FAM135B: variants seen among roughly 807,000 people sequenced by gnomAD.
The protein encoded by FAM135B is protein FAM135B.
FAM135B carries 43 observed loss-of-function variants against 127.7 expected under a neutral mutation model. The ratio of observed to expected loss-of-function variants is 0.34; its 90% CI spans 0.26 to 0.43. FAM135B has a LOEUF of 0.43. FAM135B is among the 20% of genes least tolerant of loss of function. The pLI, the probability that FAM135B is intolerant of heterozygous loss-of-function variation, is 1.00. For synonymous variants in FAM135B, 670 were observed against 665.1 expected (o/e 1.01, Z -0.11); for missense variants, 1,558 against 1,725.6 (o/e 0.90, Z 1.72).
chr8:138,360,481 C>T (rs1042268424), intron 2 of FAM135B, among the ~76,000 whole-genome samples: 1 of 152,190 alleles, frequency 6.6e-6, no homozygotes, highest in African/African-American at 2.4e-5. Context: ...CAGAAGAATG[C>T]ATAAATGGAG....
At chr8:138,231,212 G>A (rs1819884768) in intron 7 of FAM135B, among the ~76,000 whole-genome samples, 2 of 151,852 alleles carry the variant, frequency 1.3e-5, no homozygotes, top group South Asian at 4.2e-4. Flanking sequence ...GTAGATACAG[G>A]GTTTTGTCTT....
rs556299413 is a variant in FAM135B at position 138,178,924 on chromosome 8, T to C, written c.874-234A>G. 3.9e-5 allele frequency among the ~76,000 whole-genome samples: 6 copies of C among 152,324 alleles called. No homozygotes were observed. The South Asian group carries it at 1.2e-3, about 32-fold the overall frequency. The stretch of plus-strand genomic sequence containing the variant: ...AAATTATTGAGGTAGTTCCTATCTA[T>C]AGAAAAACATCCAAAGCCCTTAGTC... On this transcript the variant is annotated intron_variant, in intron 9 of 19. Coordinates refer to ENST00000395297, the MANE Select transcript of FAM135B (RefSeq NM_015912.4).
chr8:138,470,669 C>T (rs578212037), intron 1 of FAM135B, among the ~76,000 whole-genome samples: 122 of 152,160 alleles, frequency 8.0e-4, no homozygotes, highest in Non-Finnish European at 1.3e-3. Context: ...TATTATAATC[C>T]ACAAATCTAC....
chr8:138,379,679 C>G (rs896646978), intron 1 of FAM135B, among the ~76,000 whole-genome samples: 1 of 152,062 alleles, frequency 6.6e-6, no homozygotes, highest in African/African-American at 2.4e-5. Flanking sequence ...ATGTAGGTTC[C>G]CATCTTCTCT....
intron 3 of FAM135B, among the ~76,000 whole-genome samples, chr8:138,299,407 CAAT>C (rs1403886286): frequency 3.3e-5 from 5 of 152,146 alleles, no homozygotes; most frequent in African/African-American, 4.8e-5. Flanking sequence ...CTCCAAACAA[CAAT>C]GAGCCCAGCA....
chr8:138,362,755 A>C (rs1178033417), intron 2 of FAM135B, among the ~76,000 whole-genome samples: 1 of 152,226 alleles, frequency 6.6e-6, no homozygotes, highest in Non-Finnish European at 1.5e-5. Context: ...AATAACTTCA[A>C]GATTTACTGA....
intron 3 of FAM135B, among the ~76,000 whole-genome samples, chr8:138,271,466 C>T (rs185469179): frequency 6.6e-6 from 1 of 152,282 alleles, no homozygotes; most frequent in Non-Finnish European, 1.5e-5. Flanking sequence ...TTACTAATCA[C>T]CTGCTATGCA....
At chr8:138,479,270 C>T (rs35210685) in intron 1 of FAM135B, among the ~76,000 whole-genome samples, 24,015 of 152,058 alleles carry the variant, frequency 0.16, 4,913 homozygotes, top group African/African-American at 0.48. Flanking sequence ...ATAGATATGA[C>T]TGAATAAATC....
At chr8:138,257,887 A>AT (rs1440313172) in intron 4 of FAM135B, among the ~76,000 whole-genome samples, 1 of 143,964 alleles carries the variant, frequency 6.9e-6, no homozygotes, top group Non-Finnish European at 1.6e-5. Context: ...ATAAAAAATA[A>AT]AAAAAAAAAT....
intron 7 of FAM135B, among the ~76,000 whole-genome samples, chr8:138,229,155 A>C (rs562742993): frequency 3.9e-4 from 59 of 152,222 alleles, no homozygotes; most frequent in African/African-American, 1.4e-3. Flanking sequence ...AAGAGCAGTC[A>C]TTTAAGGAGT....
intron 3 of FAM135B, among the ~76,000 whole-genome samples, chr8:138,304,295 G>C (rs1032554392): frequency 2.0e-5 from 3 of 152,190 alleles, no homozygotes; most frequent in African/African-American, 4.8e-5. Flanking sequence ...TCCCAGGAAA[G>C]TTTAATTATT....
At chr8:138,203,009 A>G (rs966337794) in intron 7 of FAM135B, among the ~76,000 whole-genome samples, 5 of 152,248 alleles carry the variant, frequency 3.3e-5, no homozygotes, top group Non-Finnish European at 7.3e-5. Flanking sequence ...CCTAATGAGG[A>G]AAGTCAGGAT....
chr8:138,194,963 C>A (rs983284152), intron 9 of FAM135B, among the ~76,000 whole-genome samples: 1 of 152,200 alleles, frequency 6.6e-6, no homozygotes, highest in Non-Finnish European at 1.5e-5. Context: ...AACCAGTCAA[C>A]AAACGTTTGT....
At chr8:138,306,272 TA>T (rs1214584855) in intron 3 of FAM135B, among the ~76,000 whole-genome samples, 1 of 151,552 alleles carries the variant, frequency 6.6e-6, no homozygotes, top group Non-Finnish European at 1.5e-5. Flanking sequence ...CCATCTCTAC[TA>T]AAAATATGAA....
intron 2 of FAM135B, among the ~76,000 whole-genome samples, chr8:138,322,740 C>G (rs755823526): frequency 6.6e-5 from 10 of 152,282 alleles, no homozygotes; most frequent in Non-Finnish European, 1.2e-4. Flanking sequence ...TAGACCTCAC[C>G]TAATGAGCTG....
At chr8:138,344,573 C>CTTTATTTTT (rs869311243) in intron 2 of FAM135B, among the ~76,000 whole-genome samples, 3 of 113,614 alleles carry the variant, frequency 2.6e-5, no homozygotes, top group Non-Finnish European at 5.3e-5. Flanking sequence ...CACTTTCTTT[C>CTTTATTTTT]TTTCTTTTTT....
intron 3 of FAM135B, among the ~76,000 whole-genome samples, chr8:138,300,022 C>T (rs903611305): frequency 3.9e-5 from 6 of 151,956 alleles, no homozygotes; most frequent in Admixed American, 2.6e-4. Context: ...GGCTGGAGTG[C>T]GGTGGCAAGA....
chr8:138,442,267 T>TATACAC (rs1554694340), intron 1 of FAM135B, among the ~76,000 whole-genome samples: 8 of 86,762 alleles, frequency 9.2e-5, no homozygotes, highest in Non-Finnish European at 1.9e-4. Context: ...TATATATATA[T>TATACAC]ATATATATAT....
At chr8:138,382,039 C>T (rs749302609) in intron 1 of FAM135B, among the ~76,000 whole-genome samples, 17 of 152,130 alleles carry the variant, frequency 1.1e-4, no homozygotes, top group East Asian at 1.9e-4. Flanking sequence ...GCCCTGGTCA[C>T]GGTGGTTTGG....
Sources: allele counts gnomAD v4.1 joint callset (sites outside exome capture counted in the v4.1 genomes callset), GRCh38; gene constraint gnomAD v4.1.1; transcripts MANE v1.5; gene names NCBI Gene and HGNC (gene_info 2026-07-23, HGNC 2026-07-21).